GULP1: variants seen among roughly 807,000 people sequenced by gnomAD.
GULP1 encodes GULP PTB domain containing engulfment adaptor 1, also known as PTB domain-containing engulfment adapter protein 1.
In GULP1, 19 loss-of-function variants were observed where a neutral mutation model predicts 40.9. The observed-to-expected ratio is 0.46, with a 90% confidence interval of 0.32 to 0.68. The LOEUF (loss-of-function observed/expected upper bound fraction) is 0.68, where lower values mean the gene tolerates loss of function less well. Among genes scored for constraint, GULP1 ranks in the 30% least tolerant of loss-of-function variants. The pLI is 0.03. For synonymous variants in GULP1, 119 were observed against 117.6 expected (o/e 1.01, Z -0.08); for missense variants, 312 against 362.2 (o/e 0.86, Z 1.12).
chr2:188,406,196 G>A (rs2053070834), intron 2 of GULP1, among the ~76,000 whole-genome samples: 1 of 152,062 alleles, frequency 6.6e-6, no homozygotes, highest in Admixed American at 6.6e-5. Context: ...ATACCTATAT[G>A]GTATAGCCTA....
chr2:188,532,339 T>C lies in GULP1; in HGVS notation c.261+3144T>C, dbSNP rs529614937. Among the ~76,000 whole-genome samples, 3 of 152,260 alleles carry C rather than the reference T, an allele frequency of 2.0e-5. No homozygotes were observed. In the East Asian group the frequency reaches 5.8e-4, roughly 29 times the overall value. On this transcript the variant is annotated intron_variant, in intron 6 of 11. Transcript: ENST00000409830. ...GAGAAAACTTTTTTGGGTTTTAGAA[T>C]TCACAGGTTAATAATGGCATGTCCT...
At chr2:188,348,643 T>A (rs1213141549) in intron 1 of GULP1, among the ~76,000 whole-genome samples, 1 of 151,970 alleles carries the variant, frequency 6.6e-6, no homozygotes, top group Admixed American at 6.6e-5. Context: ...AAATGAAGAG[T>A]TACAGTGTTT....
intron 6 of GULP1, among the ~76,000 whole-genome samples, chr2:188,540,712 A>G (rs999814026): frequency 6.6e-6 from 1 of 152,138 alleles, no homozygotes; most frequent in Admixed American, 6.5e-5. Flanking sequence ...TTCACATGAA[A>G]TCGTATCCAG....
chr2:188,382,909 A>G (rs974315474), intron 1 of GULP1, among the ~76,000 whole-genome samples: 6 of 152,220 alleles, frequency 3.9e-5, no homozygotes, highest in Non-Finnish European at 8.8e-5. Flanking sequence ...ACACAGAGGA[A>G]GAGATAAAAT....
chr2:188,517,702 G>A lies in GULP1; in HGVS notation c.91-5054G>A, dbSNP rs2065322700. ...ATGGAAACGTTAACTGTCAGCATAGGTTGTCTTGTTTTCCTCGGTCTGTTT... is the reference window on the plus strand; with the variant it reads ...ATGGAAACGTTAACTGTCAGCATAGATTGTCTTGTTTTCCTCGGTCTGTTT... On this transcript the variant is annotated intron_variant, in intron 4 of 11. Transcript: ENST00000409830. Among the ~76,000 whole-genome samples the A allele has an allele frequency of 1.3e-5, 2 of 152,214 alleles. 1 individual carries two copies. The highest frequency in any genetic ancestry group is 4.1e-4 in the South Asian group (2 of 4,828).
At chr2:188,476,786 AT>A (rs2061047316) in intron 2 of GULP1, among the ~76,000 whole-genome samples, 1 of 152,102 alleles carries the variant, frequency 6.6e-6, no homozygotes, top group Non-Finnish European at 1.5e-5. Flanking sequence ...TGGACCCCAA[AT>A]ATAGATTACA....
rs913827212 is a variant in GULP1, at chr2:188,595,703, A to G, written c.*1692A>G. The G allele has an allele frequency of 6.6e-6, 1 of 152,178 alleles. No homozygotes were observed. Among genetic ancestry groups the G allele is most frequent in the Admixed American group, 6.6e-5 (1 of 15,174 alleles). The allele number at this position is 152,178 out of a possible 1,614,324, so 9.4% of individuals were successfully genotyped here. A position where few individuals can be genotyped will look rare whatever the true frequency, so the allele number is the denominator to read the frequency against. On this transcript the variant is annotated 3_prime_UTR_variant, in exon 12 of 12. Coordinates refer to ENST00000409830, the MANE Select transcript of GULP1 (RefSeq NM_016315.4). ...GCCATTTATTATCAATGGTAACACA[A>G]TGGAGTACTAAGATGGTATTTGCAC...
At chr2:188,503,208 G>A (rs369815044) in intron 4 of GULP1, among the ~76,000 whole-genome samples, 48 of 151,702 alleles carry the variant, frequency 3.2e-4, no homozygotes, top group East Asian at 2.7e-3. Flanking sequence ...GAGGTTTTTC[G>A]GCATTTTTTT....
intron 2 of GULP1, among the ~76,000 whole-genome samples, chr2:188,442,053 A>G (rs1038332624): frequency 6.6e-6 from 1 of 152,260 alleles, no homozygotes; most frequent in Non-Finnish European, 1.5e-5. Context: ...TTAGAGTACC[A>G]GTAAAATTAT....
chr2:188,452,392 T>C (rs189823076), intron 2 of GULP1, among the ~76,000 whole-genome samples: 1 of 152,216 alleles, frequency 6.6e-6, no homozygotes, highest in East Asian at 1.9e-4. Flanking sequence ...AAATGCAAAA[T>C]AAAGAGATAG....
In GULP1 at chr2:188,489,714, G is replaced by A. The variant is rs527953198; in HGVS notation, c.90+6222G>A. 2.8e-3 allele frequency among the ~76,000 whole-genome samples: 421 copies of A among 152,124 alleles called. 2 individuals are homozygous for A. Among genetic ancestry groups the A allele is most frequent in the African/African-American group, 9.7e-3 (405 of 41,550 alleles). Reference sequence around the variant, plus strand: ...AGTAATACTGACACGTGTTTAAAAGGAAATTAGAAATCTGTAAAATGTTAC... The same window carrying A: ...AGTAATACTGACACGTGTTTAAAAGAAAATTAGAAATCTGTAAAATGTTAC... On this transcript the variant is annotated intron_variant, in intron 4 of 11. Transcript: ENST00000409830.
intron 4 of GULP1, among the ~76,000 whole-genome samples, chr2:188,499,133 G>GTATATATATATATATA (rs778858143): frequency 1.7e-5 from 2 of 120,696 alleles, no homozygotes; most frequent in African/African-American, 3.2e-5. Flanking sequence ...ATATATGTGT[G>GTATATATATATATATA]TGTATATATA....
At chr2:188,499,790 T>G (rs1267662523) in intron 4 of GULP1, among the ~76,000 whole-genome samples, 1 of 151,878 alleles carries the variant, frequency 6.6e-6, no homozygotes, top group African/African-American at 2.4e-5. Flanking sequence ...TTACATATGT[T>G]AAAACATATA....
At chr2:188,399,690 GAAAAAAA>G (rs55877284) in intron 2 of GULP1, among the ~76,000 whole-genome samples, 13 of 64,676 alleles carry the variant, frequency 2.0e-4, no homozygotes, top group Non-Finnish European at 2.9e-4. Context: ...GTCCCTACAA[GAAAAAAA>G]AAAAAAAAAA....
At chr2:188,483,990 C>A (rs996567759) in intron 4 of GULP1, among the ~76,000 whole-genome samples, 3 of 152,058 alleles carry the variant, frequency 2.0e-5, no homozygotes, top group African/African-American at 7.2e-5. Flanking sequence ...CTGGGGAGAT[C>A]TTGGCTCTCT....
intron 1 of GULP1, among the ~76,000 whole-genome samples, chr2:188,374,589 T>C (rs376683083): frequency 6.6e-6 from 1 of 152,182 alleles, no homozygotes; most frequent in Admixed American, 6.5e-5. Flanking sequence ...AGGGATTGTT[T>C]CTTTGTAGTT....
intron 1 of GULP1, among the ~76,000 whole-genome samples, chr2:188,338,877 C>A (rs1236784336): frequency 6.6e-6 from 1 of 152,166 alleles, no homozygotes; most frequent in Non-Finnish European, 1.5e-5. Context: ...GGCTACCCTT[C>A]CACTCTGTGT....
At chr2:188,532,168 C>T (rs1326708755) in intron 6 of GULP1, among the ~76,000 whole-genome samples, 1 of 152,172 alleles carries the variant, frequency 6.6e-6, no homozygotes, top group South Asian at 2.1e-4. Context: ...ATATTCTAAA[C>T]TCTAATAATT....
chr2:188,470,994 G>A (rs1216801512), intron 2 of GULP1, among the ~76,000 whole-genome samples: 1 of 152,118 alleles, frequency 6.6e-6, no homozygotes, highest in Non-Finnish European at 1.5e-5. Context: ...TCGGTTTAGT[G>A]CTAAAAGTGG....
Sources: allele counts gnomAD v4.1 joint callset (sites outside exome capture counted in the v4.1 genomes callset), GRCh38; gene constraint gnomAD v4.1.1; transcripts MANE v1.5; gene names NCBI Gene and HGNC (gene_info 2026-07-23, HGNC 2026-07-21).